Variants in TCF7L2 observed in about 807,000 individuals in gnomAD.
The protein encoded by TCF7L2 is transcription factor 7 like 2.
A neutral mutation model predicts 77.9 loss-of-function variants in TCF7L2; 23 were observed. The observed-to-expected ratio is 0.30, with a 90% confidence interval of 0.21 to 0.42. TCF7L2 has a LOEUF of 0.42. Ranked by LOEUF, TCF7L2 falls within the 10% of genes least tolerant of loss-of-function variation. TCF7L2 has a pLI of 1.00. For missense variants in TCF7L2, 654 were observed against 793.1 expected (o/e 0.82, Z 2.11); for synonymous variants, 413 against 340.2 (o/e 1.21, Z -2.36).
chr10:113,090,009 T>G (rs1259693889), intron 5 of TCF7L2, among the ~76,000 whole-genome samples: 1 of 152,216 alleles, frequency 6.6e-6, no homozygotes, highest in Non-Finnish European at 1.5e-5. Flanking sequence ...ATGCCCACTT[T>G]GCCTCGACAA....
intron 4 of TCF7L2, among the ~76,000 whole-genome samples, chr10:112,983,499 T>A (rs188643814): frequency 2.1e-3 from 316 of 152,222 alleles, no homozygotes; most frequent in African/African-American, 7.2e-3. Context: ...ATAAATTAAT[T>A]AATTAAAAAG....
intron 8 of TCF7L2, 137 bp from the exon 9 acceptor site, chr10:113,150,861 A>G (rs2137115789): frequency 9.0e-7 from 1 of 1,112,622 alleles, no homozygotes; most frequent in South Asian, 1.7e-5. Flanking sequence ...ATTAATGCTG[A>G]CAGGTTTCAT....
chr10:113,124,008 T>C (rs1171789020), intron 5 of TCF7L2, among the ~76,000 whole-genome samples: 1 of 152,174 alleles, frequency 6.6e-6, no homozygotes, highest in Admixed American at 6.5e-5. Flanking sequence ...GAGATTTTTC[T>C]TTGTTTTCAG....
At chr10:113,112,336 TCACA>T (rs147018860) in intron 5 of TCF7L2, among the ~76,000 whole-genome samples, 1 of 152,056 alleles carries the variant, frequency 6.6e-6, no homozygotes, top group Admixed American at 6.6e-5. Flanking sequence ...CCAGGCATGT[TCACA>T]CACACACACA....
intron 5 of TCF7L2, among the ~76,000 whole-genome samples, chr10:113,082,446 G>A (rs1378879022): frequency 1.3e-5 from 2 of 151,782 alleles, no homozygotes; most frequent in Admixed American, 1.3e-4. Context: ...CCCCCCCACA[G>A]GAAAAAAGAA....
At chr10:113,115,964 C>A (rs1382301120) in intron 5 of TCF7L2, among the ~76,000 whole-genome samples, 2 of 152,112 alleles carry the variant, frequency 1.3e-5, no homozygotes, top group Non-Finnish European at 2.9e-5. Flanking sequence ...ATCGATATAG[C>A]TCCTTACCTG....
rs377705347 is a variant in TCF7L2, at chr10:113,024,616, C to CTTT, written c.451-15391_451-15389dup. On this transcript the variant is annotated intron_variant, in intron 4 of 13. Coordinates refer to ENST00000627217, the MANE Select transcript of TCF7L2 (RefSeq NM_001146274.2). ...AATTCATTTATGTTTTATATAAACC[C>CTTT]TTTTTTTTTTTTTTTTTTTTGAGAC... 4.8e-4 allele frequency among the ~76,000 whole-genome samples: 60 copies of CTTT among 124,782 alleles called. 1 individual carries two copies. Among genetic ancestry groups the CTTT allele is most frequent in the African/African-American group, 7.0e-4 (24 of 34,118 alleles). The allele number at this position is 124,782 out of a possible 152,430, so 81.9% of individuals were successfully genotyped here.
intron 5 of TCF7L2, among the ~76,000 whole-genome samples, chr10:113,136,670 T>C (rs900397055): frequency 2.6e-5 from 4 of 152,226 alleles, no homozygotes; most frequent in Admixed American, 2.6e-4. Context: ...CATTGGGCTC[T>C]GTTTATAAAG....
chr10:113,083,561 A>C (rs1348875465), intron 5 of TCF7L2, among the ~76,000 whole-genome samples: 1 of 152,174 alleles, frequency 6.6e-6, no homozygotes, highest in Non-Finnish European at 1.5e-5. Flanking sequence ...CCTCATCTTC[A>C]GAGGTGAGAA....
intron 3 of TCF7L2, among the ~76,000 whole-genome samples, chr10:112,962,007 AT>A (rs1174800283): frequency 2.0e-5 from 3 of 152,108 alleles, no homozygotes; most frequent in Non-Finnish European, 4.4e-5. Context: ...TATTGTTTCA[AT>A]TACAGCATTC....
intron 5 of TCF7L2, among the ~76,000 whole-genome samples, chr10:113,095,173 CAT>C (rs1381235338): frequency 1.3e-5 from 2 of 152,156 alleles, no homozygotes; most frequent in Non-Finnish European, 2.9e-5. Flanking sequence ...AACTGCATCT[CAT>C]GTGGCAGAGG....
chr10:113,095,460 G>A (rs963048372), intron 5 of TCF7L2, among the ~76,000 whole-genome samples: 1 of 152,106 alleles, frequency 6.6e-6, no homozygotes, highest in Non-Finnish European at 1.5e-5. Flanking sequence ...CTAAATGAGC[G>A]GACAAATTTT....
At chr10:113,082,407 A>T (rs970300392) in intron 5 of TCF7L2, among the ~76,000 whole-genome samples, 1 of 152,052 alleles carries the variant, frequency 6.6e-6, no homozygotes, top group Non-Finnish European at 1.5e-5. Flanking sequence ...TCTTATTTCC[A>T]ATTTCTCAAT....
rs1274116906 is a variant in TCF7L2, at chr10:113,003,595, G to A, written c.451-36430G>A. 3.3e-5 allele frequency among the ~76,000 whole-genome samples: 5 copies of A among 152,186 alleles called. No individual in the cohort carries two copies. The East Asian group carries it at 9.6e-4, about 29-fold the overall frequency. On this transcript the variant is annotated intron_variant, in intron 4 of 13. Coordinates refer to ENST00000627217, the MANE Select transcript of TCF7L2 (RefSeq NM_001146274.2). ...AAACGATTTATGGGCAAGTAGGGGA[G>A]GTGAAGAGGGAACTCATCTATCAAG...
chr10:112,977,829 T>C (rs1034816280), intron 4 of TCF7L2, among the ~76,000 whole-genome samples: 20 of 152,222 alleles, frequency 1.3e-4, no homozygotes, highest in African/African-American at 4.6e-4. Context: ...CCTGCACTAA[T>C]GGCGGGGAAA....
intron 5 of TCF7L2, among the ~76,000 whole-genome samples, chr10:113,089,227 G>T (rs1277344027): frequency 6.6e-6 from 1 of 152,178 alleles, no homozygotes; most frequent in Admixed American, 6.5e-5. Flanking sequence ...GAGCTGGATG[G>T]CAGGGAAATA....
intron 4 of TCF7L2, among the ~76,000 whole-genome samples, chr10:113,036,401 T>G (rs1164405123): frequency 6.6e-6 from 1 of 152,090 alleles, no homozygotes; most frequent in Non-Finnish European, 1.5e-5. Flanking sequence ...TCTCCCTGTT[T>G]TCATTGGGGG....
chr10:113,051,203 CCACACA>C (rs55771704), intron 5 of TCF7L2, among the ~76,000 whole-genome samples: 1,747 of 140,472 alleles, frequency 0.012, 10 homozygotes, highest in Non-Finnish European at 0.016. Flanking sequence ...TGCATACACA[CCACACA>C]CACACACACA....
chr10:113,098,075 A>G (rs1189233756), intron 5 of TCF7L2, among the ~76,000 whole-genome samples: 3 of 145,586 alleles, frequency 2.1e-5, no homozygotes, highest in Non-Finnish European at 4.5e-5. Flanking sequence ...AAAAAAAAAG[A>G]AGAAGAAGAA....
Sources: gnomAD v4.1 joint callset for allele counts (sites outside exome capture counted in the v4.1 genomes callset) on GRCh38, gnomAD v4.1.1 for gene constraint, MANE v1.5 for transcripts, NCBI Gene and HGNC (gene_info 2026-07-23, HGNC 2026-07-21) for gene names.